Variants in TTLL8 observed in about 807,000 individuals in gnomAD.
The protein encoded by TTLL8 is protein monoglycylase TTLL8.
TTLL8 carries 65 observed loss-of-function variants against 77.8 expected under a neutral mutation model. That is an observed-to-expected ratio of 0.84 (90% confidence interval 0.68 to 1.03). TTLL8 has a LOEUF of 1.03. Ranked by LOEUF, TTLL8 falls within the 50% of genes least tolerant of loss-of-function variation. The pLI is 0.00. For missense variants in TTLL8, 910 were observed against 1,004.5 expected (o/e 0.91, Z 1.27); for synonymous variants, 402 against 422.8 (o/e 0.95, Z 0.60).
intron 12 of TTLL8, among the ~76,000 whole-genome samples, chr22:50,021,730 ACG>A (rs2061201919): frequency 7.8e-6 from 1 of 128,456 alleles, no homozygotes; most frequent in African/African-American, 3.1e-5. Context: ...CCTCCATCTG[ACG>A]TGCACTCCTC....
At chr22:50,029,689 C>A (rs1398464838) in intron 12 of TTLL8, among the ~76,000 whole-genome samples, 1 of 152,256 alleles carries the variant, frequency 6.6e-6, no homozygotes, top group East Asian at 1.9e-4. Flanking sequence ...CGAGATCGCG[C>A]CACGGCACTT....
At chr22:50,042,843 G>T (rs2061380242) in intron 6 of TTLL8, among the ~76,000 whole-genome samples, 1 of 152,216 alleles carries the variant, frequency 6.6e-6, no homozygotes, top group Non-Finnish European at 1.5e-5. Flanking sequence ...CACATCAGAC[G>T]CTGGCGAGGA....
chr22:50,037,123 T>C (rs775162742), intron 8 of TTLL8, among the ~76,000 whole-genome samples: 2 of 152,206 alleles, frequency 1.3e-5, no homozygotes, highest in Non-Finnish European at 2.9e-5. Flanking sequence ...CTTTTCTAAA[T>C]GGGTTGTGCC....
intron 12 of TTLL8, among the ~76,000 whole-genome samples, chr22:50,020,606 CATCTAA>C (rs1474051432): frequency 5.3e-5 from 8 of 151,296 alleles, no homozygotes; most frequent in Non-Finnish European, 1.0e-4. Flanking sequence ...TGAACTCCTC[CATCTAA>C]CGACGTGTAC....
Position 50,035,726 on chromosome 22 carries a change from G to C in TTLL8, c.922-1264C>G, listed in dbSNP as rs369189579. Among the ~76,000 whole-genome samples, 5 of 152,326 alleles carry C rather than the reference G, an allele frequency of 3.3e-5. No individual in the cohort carries two copies. The South Asian group carries it at 6.2e-4, about 19-fold the overall frequency. ...CTAAATAGGGTGGGTCACCCATGAC[G>C]TCCACCATGTTGGTCACTGCCAAGG... On this transcript the variant is annotated intron_variant, in intron 8 of 13. Transcript: ENST00000266182.
At chr22:50,042,628 G>A (rs1289070470) in intron 6 of TTLL8, among the ~76,000 whole-genome samples, 3 of 152,148 alleles carry the variant, frequency 2.0e-5, no homozygotes, top group African/African-American at 7.2e-5. Context: ...AATACCCTCA[G>A]AAATTCATAA....
At chr22:50,029,802 C>T (rs1472555622) in intron 12 of TTLL8, among the ~76,000 whole-genome samples, 1 of 152,196 alleles carries the variant, frequency 6.6e-6, no homozygotes, top group Non-Finnish European at 1.5e-5. Flanking sequence ...GCGAGGACCC[C>T]CCACCGCGCC....
chr22:50,045,116 C>T (rs973791929), intron 6 of TTLL8, 139 bp downstream of exon 8: 1 of 997,356 alleles, frequency 1.0e-6, no homozygotes. Flanking sequence ...CCATGAGAAT[C>T]GAGAGAGTCT....
chr22:50,056,686 C>T, upstream of TTLL8: 1 of 910,142 alleles, frequency 1.1e-6, no homozygotes. This position sits in a 1 kb window ranked among gnomAD's most constrained non-coding sequence, Gnocchi z 4.1. Flanking sequence ...GAGCCAGCGC[C>T]CCCCAACACC....
In TTLL8 at chr22:50,045,393, A is replaced by ACT; in HGVS notation, c.509-5_509-4insAG. 7.3e-7 allele frequency: 1 copy of ACT among 1,365,092 alleles called. No individual in the cohort carries two copies. Among genetic ancestry groups the ACT allele is most frequent in the Non-Finnish European group, 9.8e-7 (1 of 1,021,800 alleles). The allele number at this position is 1,365,092 out of a possible 1,614,324, so 84.6% of individuals were successfully genotyped here. ...GCCATGGTGCGCCGGAAGTCTTCTG[A>ACT]AAGGACAGCACAGCCTCGCCCTATC... On this transcript the variant is annotated splice_region_variant and splice_polypyrimidine_tract_variant and intron_variant, in intron 5 of 13. Transcript: ENST00000266182.
upstream of TTLL8, chr22:50,055,404 A>T: frequency 8.8e-7 from 1 of 1,135,730 alleles, no homozygotes; most frequent in South Asian, 1.4e-5. Flanking sequence ...CTGTAATCCC[A>T]GCACTGTGGG....
chr22:50,033,293 C>T (rs370353767), exon 10 of TTLL8: 37 of 1,363,536 alleles, frequency 2.7e-5, no homozygotes, highest in Middle Eastern at 2.1e-4. Flanking sequence ...CAGTCCGTGA[C>T]GAGGAACCAC....
chr22:50,031,353 C>A (rs930274945), intron 11 of TTLL8, among the ~76,000 whole-genome samples: 10 of 152,186 alleles, frequency 6.6e-5, no homozygotes, highest in African/African-American at 2.4e-4. Context: ...GGGCATGGAG[C>A]CCCCACCTCT....
intron 12 of TTLL8, among the ~76,000 whole-genome samples, chr22:50,023,156 A>G (rs925789708): frequency 3.3e-5 from 5 of 152,258 alleles, no homozygotes; most frequent in Non-Finnish European, 7.3e-5. Context: ...AATTATCAAA[A>G]TTTATTTGTA....
chr22:50,040,986 T>C (rs1370576290), intron 8 of TTLL8, among the ~76,000 whole-genome samples: 1 of 152,110 alleles, frequency 6.6e-6, no homozygotes, highest in Non-Finnish European at 1.5e-5. Flanking sequence ...ATGGTGATGA[T>C]GAGAGTCAGC....
chr22:50,049,399 G>A (rs191656346), intron 2 of TTLL8, 77 bp from the exon 5 acceptor site: 25 of 1,340,722 alleles, frequency 1.9e-5, no homozygotes, highest in East Asian at 1.8e-4. Context: ...TACCACAACC[G>A]CAGGCAGGAC....
rs551806292 is a variant in TTLL8, at chr22:50,041,749, C to G, written c.702G>C (p.Ala234=). The G allele has an allele frequency of 4.4e-6, 6 of 1,365,266 alleles. No homozygotes were observed. In the South Asian group the frequency reaches 4.6e-5, roughly 10 times the overall value. 84.6% of individuals were successfully genotyped at this position (1,365,266 alleles called of 1,614,324 possible). ...CCAGGTAGGCCTGGCACACCTTGCA[C>G]GCGATGTCCACAAGCTGCCCCGGGA... Residue 234 remains alanine (A), a synonymous_variant, in exon 7 of 14, where the codon GCG becomes GCC. Transcript: ENST00000266182. This position sits in a 1 kb window ranked among gnomAD's most constrained non-coding sequence, Gnocchi z 4.3.
intron 1 of TTLL8, among the ~76,000 whole-genome samples, chr22:50,051,406 T>C (rs1375842861): frequency 6.6e-6 from 1 of 152,262 alleles, no homozygotes; most frequent in East Asian, 1.9e-4. Flanking sequence ...GTGGTGCAGA[T>C]ACACCACAGT....
At chr22:50,046,954 A>G (rs1227210206) in intron 4 of TTLL8, 1 of 499,184 alleles carries the variant, frequency 2.0e-6, no homozygotes, top group African/African-American at 2.1e-5. Context: ...GGGGCCCCGG[A>G]TTCACCCAGA....
Sources: allele counts gnomAD v4.1 joint callset (sites outside exome capture counted in the v4.1 genomes callset), GRCh38; gene constraint gnomAD v4.1.1; non-coding constraint Gnocchi (gnomAD v3.1); transcripts MANE v1.5; gene names NCBI Gene and HGNC (gene_info 2026-07-23, HGNC 2026-07-21).